Variants in CCDC201 observed in about 807,000 individuals in gnomAD.
CCDC201 encodes coiled-coil domain containing 201.
At chr7:45,868,222 C>T (rs1473031167) in intron 1 of CCDC201, among the ~76,000 whole-genome samples, 1 of 152,136 alleles carries the variant, frequency 6.6e-6, no homozygotes, top group Non-Finnish European at 1.5e-5. Flanking sequence ...TTGGTGCTAG[C>T]TATTGGTGGG....
chr7:45,865,476 G>A (rs1483331430), intron 2 of CCDC201, among the ~76,000 whole-genome samples: 1 of 152,216 alleles, frequency 6.6e-6, no homozygotes, highest in Non-Finnish European at 1.5e-5. Flanking sequence ...ATGCAGGAGT[G>A]CTCCAGGAAT....
chr7:45,867,667 G>A (rs1298833928), intron 1 of CCDC201, among the ~76,000 whole-genome samples: 1 of 152,206 alleles, frequency 6.6e-6, no homozygotes, highest in African/African-American at 2.4e-5. Flanking sequence ...CCTGAAAACA[G>A]GTCCACTCCA....
chr7:45,882,051 C>T, the CCDC201 span, among the ~76,000 whole-genome samples: 5 of 152,122 alleles, frequency 3.3e-5, no homozygotes, highest in Non-Finnish European at 5.9e-5. Context: ...AGCAAAACAT[C>T]ACTTTGTTTT....
the CCDC201 span, among the ~76,000 whole-genome samples, chr7:45,881,165 G>A: frequency 6.6e-6 from 1 of 152,142 alleles, no homozygotes; most frequent in Non-Finnish European, 1.5e-5. Flanking sequence ...TTATATGGGT[G>A]GCGAAGATTC....
intron 1 of CCDC201, among the ~76,000 whole-genome samples, chr7:45,872,429 G>T (rs1484122927): frequency 2.6e-5 from 4 of 152,358 alleles, no homozygotes; most frequent in South Asian, 4.1e-4. Context: ...AGAGCATGAG[G>T]TGTCCTGTCA....
the CCDC201 span, among the ~76,000 whole-genome samples, chr7:45,883,619 G>C: frequency 1.2e-4 from 18 of 152,230 alleles, no homozygotes; most frequent in East Asian, 2.7e-3. Context: ...TTGAGCTACG[G>C]CATGGACCTC....
the CCDC201 span, among the ~76,000 whole-genome samples, chr7:45,878,398 T>C: frequency 6.6e-6 from 1 of 152,348 alleles, no homozygotes; most frequent in South Asian, 2.1e-4. Context: ...CCATGAAGGC[T>C]CTGCCCTTGT....
intron 1 of CCDC201, among the ~76,000 whole-genome samples, chr7:45,871,296 G>T (rs1786740667): frequency 6.6e-6 from 1 of 151,660 alleles, no homozygotes; most frequent in Non-Finnish European, 1.5e-5. Context: ...TAACAGCAAA[G>T]CCAAGTCCCT....
At chr7:45,875,126 T>A (rs1786785669), upstream of CCDC201, among the ~76,000 whole-genome samples, 4 of 152,182 alleles carry the variant, frequency 2.6e-5, no homozygotes, top group African/African-American at 9.7e-5. Context: ...ATACACACAC[T>A]ACAGAGAAGA....
chr7:45,874,682 T>C (rs1310091220), upstream of CCDC201, among the ~76,000 whole-genome samples: 1 of 152,212 alleles, frequency 6.6e-6, no homozygotes, highest in East Asian at 1.9e-4. Flanking sequence ...CAGAGAGCAC[T>C]AGAAAGGGTT....
At chr7:45,865,563 C>T (rs926196652) in intron 2 of CCDC201, among the ~76,000 whole-genome samples, 3 of 152,220 alleles carry the variant, frequency 2.0e-5, no homozygotes, top group East Asian at 3.8e-4. Context: ...CTAGAATAGG[C>T]TGTTTTCTGC....
chr7:45,872,698 C>T (rs1786755548), intron 1 of CCDC201, among the ~76,000 whole-genome samples: 1 of 152,136 alleles, frequency 6.6e-6, no homozygotes, highest in African/African-American at 2.4e-5. Flanking sequence ...ATGTGGAAGC[C>T]CAAGGGCTCT....
chr7:45,870,931 G>A (rs968369235), intron 1 of CCDC201, among the ~76,000 whole-genome samples: 1 of 152,156 alleles, frequency 6.6e-6, no homozygotes, highest in Non-Finnish European at 1.5e-5. Context: ...TTAAGAAATG[G>A]GGGTGAGAAG....
chr7:45,873,341 G>A (rs576148140), upstream of CCDC201, among the ~76,000 whole-genome samples: 35 of 133,366 alleles, frequency 2.6e-4, no homozygotes, highest in Non-Finnish European at 4.3e-4. Flanking sequence ...AACCACCTAC[G>A]GGAAAGGAGA....
At chr7:45,868,869 G>T (rs1274138919) in intron 1 of CCDC201, among the ~76,000 whole-genome samples, 2 of 152,216 alleles carry the variant, frequency 1.3e-5, no homozygotes, top group African/African-American at 4.8e-5. Flanking sequence ...CCAGTTGAAA[G>T]TCCAGTCTTA....
At chr7:45,884,110 C>CTT in the CCDC201 span, among the ~76,000 whole-genome samples, 14 of 149,622 alleles carry the variant, frequency 9.4e-5, no homozygotes, top group Non-Finnish European at 1.9e-4. Flanking sequence ...TCCTCTCTCT[C>CTT]TTTCTCTTGA....
chr7:45,883,989 CTTTCTT>C, the CCDC201 span, among the ~76,000 whole-genome samples: 14 of 147,942 alleles, frequency 9.5e-5, no homozygotes. Context: ...CTTTTCTTTT[CTTTCTT>C]TTTCTTTCTT....
chr7:45,878,076 A>T (rs967559476), upstream of CCDC201, among the ~76,000 whole-genome samples: 1 of 152,216 alleles, frequency 6.6e-6, no homozygotes, highest in Non-Finnish European at 1.5e-5. Context: ...ATTAAATCTT[A>T]AAGCTCCAAA....
chr7:45,868,413 A>G (rs559497150), intron 1 of CCDC201, among the ~76,000 whole-genome samples: 1 of 152,344 alleles, frequency 6.6e-6, no homozygotes, highest in East Asian at 1.9e-4. Flanking sequence ...TGCTTGCACC[A>G]GTCAGTTTTC....
Sources: allele counts gnomAD v4.1 joint callset (sites outside exome capture counted in the v4.1 genomes callset), GRCh38; gene constraint gnomAD v4.1.1; transcripts MANE v1.5; gene names NCBI Gene and HGNC (gene_info 2026-07-23, HGNC 2026-07-21).